Variants in GLI3 observed in about 807,000 individuals in gnomAD.
GLI3 encodes transcription activator GLI3.
In GLI3, 20 loss-of-function variants were observed where a neutral mutation model predicts 100.8. The ratio of observed to expected loss-of-function variants is 0.20; its 90% CI spans 0.14 to 0.29. The LOEUF is 0.29. Ranked by LOEUF, GLI3 falls within the 10% of genes least tolerant of loss-of-function variation. GLI3 has a pLI of 1.00. For synonymous variants in GLI3, 938 were observed against 860.5 expected (o/e 1.09, Z -1.58); for missense variants, 2,040 against 2,128.5 (o/e 0.96, Z 0.82).
chr7:42,125,983 G>A (rs1786117124), intron 3 of GLI3, among the ~76,000 whole-genome samples: 1 of 152,058 alleles, frequency 6.6e-6, no homozygotes, highest in South Asian at 2.1e-4. Flanking sequence ...ACTGCACATT[G>A]GGGCTTGAAA....
In GLI3 at chr7:42,063,031, T is replaced by A. The variant is rs182844562; in HGVS notation, c.473+13721A>T. On this transcript the variant is annotated intron_variant, in intron 4 of 14. Coordinates refer to ENST00000395925, the MANE Select transcript of GLI3 (RefSeq NM_000168.6). Reference sequence around the variant, plus strand: ...AGTCTTACCCTCTCAGAGCCTGTGCTATGCATCTGCACAAATACACCAGCA... The same window carrying A: ...AGTCTTACCCTCTCAGAGCCTGTGCAATGCATCTGCACAAATACACCAGCA... Among the ~76,000 whole-genome samples the A allele has an allele frequency of 3.7e-3, 564 of 152,278 alleles. 3 individuals are homozygous for A. The highest frequency in any genetic ancestry group is 0.019 in the South Asian group (91 of 4,824).
intron 2 of GLI3, among the ~76,000 whole-genome samples, chr7:42,219,621 T>C (rs890965410): frequency 1.3e-5 from 2 of 152,132 alleles, no homozygotes; most frequent in African/African-American, 4.8e-5. Flanking sequence ...CTGAGAAAAG[T>C]ACGAAAACAG....
intron 7 of GLI3, among the ~76,000 whole-genome samples, chr7:42,028,303 G>C (rs1426838573): frequency 6.6e-6 from 1 of 152,080 alleles, no homozygotes; most frequent in East Asian, 1.9e-4. Flanking sequence ...GTTGAAAGAG[G>C]GTCCCTGAAG....
At chr7:42,187,911 G>A (rs1787749938) in intron 2 of GLI3, among the ~76,000 whole-genome samples, 2 of 149,224 alleles carry the variant, frequency 1.3e-5, no homozygotes, top group Admixed American at 1.4e-4. Context: ...GCTGAGGCAG[G>A]AGAATCGCTC....
At chr7:42,047,026 C>A (rs1327947297) in intron 5 of GLI3, among the ~76,000 whole-genome samples, 1 of 151,942 alleles carries the variant, frequency 6.6e-6, no homozygotes, top group Non-Finnish European at 1.5e-5. Flanking sequence ...CGTGGTGGTG[C>A]ACACCAGTGG....
chr7:42,075,988 G>C (rs192586378), intron 4 of GLI3, among the ~76,000 whole-genome samples: 42 of 152,238 alleles, frequency 2.8e-4, no homozygotes, highest in Admixed American at 2.5e-3. Flanking sequence ...AGAATAAAGG[G>C]TGATTATTAG....
chr7:41,975,862 C>A (rs1787495337), intron 12 of GLI3, among the ~76,000 whole-genome samples: 1 of 152,164 alleles, frequency 6.6e-6, no homozygotes, highest in Non-Finnish European at 1.5e-5. Context: ...CCCTAAATTT[C>A]TAGTCAAAAT....
intron 4 of GLI3, among the ~76,000 whole-genome samples, chr7:42,056,409 G>A (rs1784462456): frequency 6.6e-6 from 1 of 152,108 alleles, no homozygotes; most frequent in African/African-American, 2.4e-5. Flanking sequence ...TTCACAGGAG[G>A]CTCCCAAAAG....
intron 2 of GLI3, chr7:42,172,637 G>A (rs1044870383): frequency 2.8e-5 from 20 of 702,896 alleles, no homozygotes; most frequent in African/African-American, 5.2e-5. Context: ...CAGCGCGGAT[G>A]CATCCAATCC....
intron 3 of GLI3, among the ~76,000 whole-genome samples, chr7:42,107,707 G>A (rs541899296): frequency 3.1e-4 from 47 of 152,296 alleles, no homozygotes; most frequent in African/African-American, 6.3e-4. Flanking sequence ...ACAGTGACAA[G>A]GCCAGAGGGT....
At chr7:42,039,448 AG>A (rs1417380429) in intron 7 of GLI3, among the ~76,000 whole-genome samples, 1 of 152,230 alleles carries the variant, frequency 6.6e-6, no homozygotes, top group Non-Finnish European at 1.5e-5. Context: ...TGGTCAAAAT[AG>A]GGATCTTTCA....
At chr7:42,244,825 A>G (rs1169410204) in intron 1 of GLI3, among the ~76,000 whole-genome samples, 1 of 152,220 alleles carries the variant, frequency 6.6e-6, no homozygotes, top group African/African-American at 2.4e-5. Context: ...TTGCCCAAAT[A>G]AGAGAGACTT....
At chr7:42,144,667 C>T (rs1406829620) in intron 3 of GLI3, among the ~76,000 whole-genome samples, 1 of 151,776 alleles carries the variant, frequency 6.6e-6, no homozygotes, top group African/African-American at 2.4e-5. Flanking sequence ...AGATGTCCTT[C>T]TGAAGGGGAA....
chr7:42,065,582 T>C (rs979886544), intron 4 of GLI3, among the ~76,000 whole-genome samples: 15 of 152,204 alleles, frequency 9.9e-5, no homozygotes, highest in Non-Finnish European at 2.1e-4. Context: ...AAATAGCATA[T>C]GTACAAGAAA....
intron 2 of GLI3, among the ~76,000 whole-genome samples, chr7:42,158,512 G>A (rs1256146381): frequency 6.7e-6 from 1 of 149,056 alleles, no homozygotes; most frequent in Non-Finnish European, 1.5e-5. Flanking sequence ...TTTTTGGGAT[G>A]GACTTTCACT....
intron 3 of GLI3, among the ~76,000 whole-genome samples, chr7:42,102,281 C>T (rs997948044): frequency 2.6e-5 from 4 of 152,198 alleles, no homozygotes; most frequent in Admixed American, 2.6e-4. Flanking sequence ...CCATGAGCCT[C>T]ACTGCCCAAG....
Position 41,965,053 on chromosome 7 carries a change from G to T in GLI3, c.4020C>A (p.Pro1340=). The T allele has an allele frequency of 6.2e-7, 1 of 1,613,866 alleles. No individual in the cohort carries two copies. Among genetic ancestry groups the T allele is most frequent in the East Asian group, 2.2e-5 (1 of 44,874 alleles). ...DSMQHPGAGR[P]GQQMLGQISA... is the part of the protein sequence containing the mutation. Reference sequence around the variant, plus strand: ...TAATCTGCCCAAGCATCTGCTGACCGGGGCGGCCTGCCCCCGGGTGCTGCA... The same window carrying T: ...TAATCTGCCCAAGCATCTGCTGACCTGGGCGGCCTGCCCCCGGGTGCTGCA... The change falls in exon 15 of 15, where the codon CCC becomes CCA. Residue 1340 remains proline (P), a synonymous_variant. Coordinates refer to ENST00000395925, the MANE Select transcript of GLI3 (RefSeq NM_000168.6).
chr7:41,968,735 A>AGAAAGAAAGAAAGAAGGAAG (rs1562661889), intron 13 of GLI3, among the ~76,000 whole-genome samples: 5 of 122,698 alleles, frequency 4.1e-5, no homozygotes, highest in African/African-American at 1.2e-4. Context: ...AAAGAAAGAA[A>AGAAAGAAAGAAAGAAGGAAG]GAAAGAAAGA....
chr7:42,094,141 C>T (rs1258230198), intron 3 of GLI3, among the ~76,000 whole-genome samples: 1 of 152,084 alleles, frequency 6.6e-6, no homozygotes, highest in Non-Finnish European at 1.5e-5. Flanking sequence ...GCACTGCCCG[C>T]CCTTCAAATC....
Sources: gnomAD v4.1 joint callset for allele counts (sites outside exome capture counted in the v4.1 genomes callset) on GRCh38, gnomAD v4.1.1 for gene constraint, MANE v1.5 for transcripts, NCBI Gene and HGNC (gene_info 2026-07-23, HGNC 2026-07-21) for gene names.